PIP5K1A: variants seen among roughly 807,000 people sequenced by gnomAD.
The protein encoded by PIP5K1A is phosphatidylinositol 4-phosphate 5-kinase type-1 alpha.
In PIP5K1A, 46 loss-of-function variants were observed where a neutral mutation model predicts 72.9. The ratio of observed to expected loss-of-function variants is 0.63; its 90% confidence interval spans 0.50 to 0.81. The LOEUF (loss-of-function observed/expected upper bound fraction) is 0.81, where lower values mean the gene tolerates loss of function less well. Ranked by LOEUF, PIP5K1A falls within the 30% of genes least tolerant of loss-of-function variation. PIP5K1A has a pLI of 0.00. For missense variants in PIP5K1A, 458 were observed against 706.1 expected (o/e 0.65, Z 3.98); for synonymous variants, 228 against 255.1 (o/e 0.89, Z 1.01).
intron 1 of PIP5K1A, among the ~76,000 whole-genome samples, chr1:151,208,626 T>C (rs921050189): frequency 4.0e-5 from 6 of 151,154 alleles, no homozygotes; most frequent in African/African-American, 1.5e-4. Flanking sequence ...CCCAAAGTGC[T>C]GGGATTACAA....
intron 1 of PIP5K1A, among the ~76,000 whole-genome samples, chr1:151,220,702 C>T (rs4587566): frequency 2.0e-5 from 3 of 151,890 alleles, no homozygotes; most frequent in South Asian, 2.1e-4. Flanking sequence ...CCTGACCTCA[C>T]GTGATCCACC....
chr1:151,198,958 A>T lies in PIP5K1A; in HGVS notation c.-39A>T, dbSNP rs1684801159. On this transcript the variant is annotated 5_prime_UTR_variant, in exon 1 of 16. Transcript: ENST00000368888. The stretch of plus-strand genomic sequence containing the variant: ...TCCGAGAAGAGGAAGAACCGGATTG[A>T]AAGAGAGCCAGGCCGCTGAGGGGGA... 1.9e-6 allele frequency: 3 copies of T among 1,589,382 alleles called. No homozygotes were observed. Among genetic ancestry groups the T allele is most frequent in the Non-Finnish European group, 2.6e-6 (3 of 1,158,176 alleles).
intron 9 of PIP5K1A, 59 bp downstream of exon 9, chr1:151,236,822 T>TTTTC: frequency 3.7e-6 from 1 of 270,056 alleles, no homozygotes. Flanking sequence ...TTTTCTTTTC[T>TTTTC]TTTTTTTTTT....
At chr1:151,219,883 G>A (rs1000773821) in intron 1 of PIP5K1A, among the ~76,000 whole-genome samples, 4 of 148,012 alleles carry the variant, frequency 2.7e-5, no homozygotes, top group African/African-American at 5.0e-5. Flanking sequence ...CCGAGATGGG[G>A]TCTCCCTATG....
chr1:151,201,803 A>T lies in PIP5K1A; in HGVS notation c.85+2722A>T, dbSNP rs747816630. On this transcript the variant is annotated intron_variant, in intron 1 of 15. Transcript: ENST00000368888. ...CTTGAACCCGGGAGGCAGAGGTTGC[A>T]GTGAGCCGAGATCACACCACTGCAC... Among the ~76,000 whole-genome samples, 10 of 152,048 alleles carry T rather than the reference A, an allele frequency of 6.6e-5. No individual in the cohort carries two copies. The South Asian group carries it at 1.0e-3, about 16-fold the overall frequency.
intron 1 of PIP5K1A, among the ~76,000 whole-genome samples, chr1:151,205,269 A>G (rs1685769991): frequency 1.3e-5 from 2 of 152,078 alleles, no homozygotes; most frequent in Admixed American, 6.5e-5. Context: ...CTTGCCTCCC[A>G]GGTTCAAGCG....
At chr1:151,241,573 G>A (rs1220874963) in intron 12 of PIP5K1A, among the ~76,000 whole-genome samples, 1 of 151,256 alleles carries the variant, frequency 6.6e-6, no homozygotes, top group Non-Finnish European at 1.5e-5. Flanking sequence ...GGCCTAGGTG[G>A]GCGGACCACC....
intron 10 of PIP5K1A, chr1:151,238,624 G>A (rs1333650561): frequency 3.7e-6 from 1 of 268,552 alleles, no homozygotes; most frequent in Non-Finnish European, 7.2e-6. Flanking sequence ...CTTTTCCAAG[G>A]AGGAAAAACA....
chr1:151,202,831 G>A (rs1028396528), intron 1 of PIP5K1A, among the ~76,000 whole-genome samples: 6 of 151,464 alleles, frequency 4.0e-5, no homozygotes, highest in African/African-American at 1.2e-4. Context: ...GGAGTGCGGT[G>A]GAGCAATCTT....
In PIP5K1A at chr1:151,236,663, G is replaced by A. The variant is rs1476079648; in HGVS notation, c.1045G>A (p.Asp349Asn). 1.2e-6 allele frequency: 2 copies of A among 1,613,688 alleles called. No homozygotes were observed. Among genetic ancestry groups the A allele is most frequent in the Non-Finnish European group, 1.7e-6 (2 of 1,179,894 alleles). Residue 349 changes from aspartate (D) to asparagine (N), a missense_variant, in exon 9 of 16, where the codon GAT becomes AAT. Asp to Asn is a conservative substitution (Grantham distance 23). Transcript: ENST00000368888. Reference sequence around the variant, plus strand: ...AAGCAGTGAAACACAGTACTCAGTTGATACTCGAAGACCGGCCCCCCAAAA... The same window carrying A: ...AAGCAGTGAAACACAGTACTCAGTTAATACTCGAAGACCGGCCCCCCAAAA... Reference protein sequence around the residue: ...PLSSETQYSVDTRRPAPQKAL... With the variant: ...PLSSETQYSVNTRRPAPQKAL...
Position 151,199,560 on chromosome 1 carries a change from G to C in PIP5K1A, c.85+479G>C, listed in dbSNP as rs587774605. ...GCCTGGGAGGCAGAGCTTGCGGTGA[G>C]CCGAGATTGGGCCACTGCTCTCCAG... On this transcript the variant is annotated intron_variant, in intron 1 of 15. Transcript: ENST00000368888. Among the ~76,000 whole-genome samples the C allele has an allele frequency of 2.6e-5, 4 of 151,926 alleles. No homozygotes were observed. In the East Asian group the frequency reaches 7.7e-4, roughly 29 times the overall value.
intron 1 of PIP5K1A, among the ~76,000 whole-genome samples, chr1:151,219,335 C>G (rs587714940): frequency 1.9e-4 from 27 of 145,328 alleles, no homozygotes; most frequent in Non-Finnish European, 3.3e-4. Flanking sequence ...GAGCCGACAT[C>G]GTGCCACTGC....
chr1:151,223,967 CAA>C, intron 1 of PIP5K1A: 1 of 468,528 alleles, frequency 2.1e-6, no homozygotes, highest in Non-Finnish European at 3.8e-6. Context: ...GACTCCATCT[CAA>C]AAAAAAAGAA....
chr1:151,198,302 A>ACCGT (rs1454345722), upstream of PIP5K1A, among the ~76,000 whole-genome samples: 2 of 152,080 alleles, frequency 1.3e-5, no homozygotes, highest in African/African-American at 4.8e-5. Flanking sequence ...GACTTGGCGG[A>ACCGT]CCGACTCTTG....
chr1:151,198,874 G>T lies in PIP5K1A; in HGVS notation c.-123G>T. The T allele has an allele frequency of 1.1e-6, 1 of 918,316 alleles. No individual in the cohort carries two copies. Among genetic ancestry groups the T allele is most frequent in the Non-Finnish European group, 1.7e-6 (1 of 578,148 alleles). The allele number at this position is 918,316 out of a possible 1,614,324, so 56.9% of individuals were successfully genotyped here. On this transcript the variant is annotated 5_prime_UTR_variant, in exon 1 of 16. Coordinates refer to ENST00000368888, the MANE Select transcript of PIP5K1A (RefSeq NM_001135638.2). ...ACGTGTCTGAGGGAGGCCCCGGAGG[G>T]GGCGGGGAGGTGGCCCACAGAACGC...
intron 14 of PIP5K1A, among the ~76,000 whole-genome samples, chr1:151,244,345 C>G (rs1692188512): frequency 6.6e-6 from 1 of 152,028 alleles, no homozygotes; most frequent in South Asian, 2.1e-4. Context: ...CATAAATAAT[C>G]TAGGAATGAT....
At position 151,248,948 on chromosome 1, in the gene PIP5K1A, G is replaced by A. The variant is rs181581689; in HGVS notation, c.*1083G>A. 6.6e-6 allele frequency: 1 copy of A among 152,424 alleles called. No individual in the cohort carries two copies. The highest frequency in any genetic ancestry group is 2.1e-4 in the South Asian group (1 of 4,826). The allele number at this position is 152,424 out of a possible 1,614,324, so 9.4% of individuals were successfully genotyped here. A position where few individuals can be genotyped will look rare whatever the true frequency, so the allele number is the denominator to read the frequency against. On this transcript the variant is annotated 3_prime_UTR_variant, in exon 16 of 16. Transcript: ENST00000368888. ...AGCAAATATTTTCTTAAACTCATGG[G>A]GAGACAGCAGATTCTTGCCTTGGTG...
chr1:151,199,199 C>T lies in PIP5K1A; in HGVS notation c.85+118C>T, dbSNP rs984174975. On this transcript the variant is annotated intron_variant, in intron 1 of 15. Coordinates refer to ENST00000368888, the MANE Select transcript of PIP5K1A (RefSeq NM_001135638.2). ...CCTACGTGTTACCGGTAAGTGGGCG[C>T]GAGCTGGGCTTTCAAATAGGGATTT... is the stretch of plus-strand genomic sequence containing the variant. 18 of 1,556,036 alleles carry T rather than the reference C, an allele frequency of 1.2e-5. No homozygotes were observed. The South Asian group carries it at 2.0e-4, about 18-fold the overall frequency.
intron 9 of PIP5K1A, among the ~76,000 whole-genome samples, chr1:151,237,827 G>C (rs1310540233): frequency 1.3e-5 from 2 of 151,566 alleles, no homozygotes; most frequent in African/African-American, 2.4e-5. Flanking sequence ...CATAAATTAA[G>C]ATAGCAAAAG....
Sources: allele counts gnomAD v4.1 joint callset (sites outside exome capture counted in the v4.1 genomes callset), GRCh38; gene constraint gnomAD v4.1.1; transcripts MANE v1.5; gene names NCBI Gene and HGNC (gene_info 2026-07-23, HGNC 2026-07-21).